ACMSD: variants seen among roughly 807,000 people sequenced by gnomAD.
ACMSD encodes aminocarboxymuconate semialdehyde decarboxylase.
Under a neutral mutation model 45.9 loss-of-function variants are expected in ACMSD, and 37 were observed. The observed-to-expected ratio is 0.81, with a 90% CI of 0.62 to 1.06. The LOEUF (loss-of-function observed/expected upper bound fraction) is 1.06. ACMSD is among the 50% of genes least tolerant of loss of function. The pLI is 0.00. For missense variants in ACMSD, 434 were observed against 420.9 expected, an observed-to-expected ratio of 1.03 and a Z score of -0.27; for synonymous variants, 138 against 148.8, an observed-to-expected ratio of 0.93 and a Z score of 0.53.
At chr2:134,888,602 A>G (rs1689594497) in intron 8 of ACMSD, among the ~76,000 whole-genome samples, 1 of 152,220 alleles carries the variant, frequency 6.6e-6, no homozygotes, top group South Asian at 2.1e-4. Flanking sequence ...ATGGATAAAC[A>G]AATTACCATA....
intron 6 of ACMSD, among the ~76,000 whole-genome samples, chr2:134,868,238 T>G (rs1258818952): frequency 6.6e-6 from 1 of 152,182 alleles, no homozygotes; most frequent in Non-Finnish European, 1.5e-5. Context: ...TATCTGCTCC[T>G]CTCTTCTGCC....
At chr2:134,868,838 T>G (rs1688269808) in intron 6 of ACMSD, 1 of 152,132 alleles carries the variant, frequency 6.6e-6, no homozygotes, top group Non-Finnish European at 1.5e-5. Context: ...GAAATGGCAA[T>G]CACCATGAAG....
At chr2:134,875,286 C>T (rs1326532246) in intron 8 of ACMSD, among the ~76,000 whole-genome samples, 1 of 152,124 alleles carries the variant, frequency 6.6e-6, no homozygotes, top group Non-Finnish European at 1.5e-5. Flanking sequence ...GTCACCATAA[C>T]TGACCCAAAA....
At chr2:134,854,315 T>C (rs777039815) in intron 2 of ACMSD, among the ~76,000 whole-genome samples, 5 of 152,216 alleles carry the variant, frequency 3.3e-5, no homozygotes, top group African/African-American at 4.8e-5. Context: ...GAATTCACTC[T>C]AGTTAGTTTA....
chr2:134,893,439 C>T (rs1318755058), intron 8 of ACMSD, among the ~76,000 whole-genome samples: 2 of 152,094 alleles, frequency 1.3e-5, no homozygotes, highest in African/African-American at 2.4e-5. Flanking sequence ...CCTCCTGCCT[C>T]GCCCTCCTAA....
chr2:134,852,789 T>A (rs1573628410), intron 2 of ACMSD, among the ~76,000 whole-genome samples: 1 of 151,910 alleles, frequency 6.6e-6, no homozygotes, highest in Non-Finnish European at 1.5e-5. Context: ...TGGCAGCTGG[T>A]GTGGTCTGGA....
rs749014739 is a variant in ACMSD, at chr2:134,898,369, C to G, written c.878C>G (p.Pro293Arg). 1 of 1,597,938 alleles carries G rather than the reference C, an allele frequency of 6.3e-7. No homozygotes were observed. The highest frequency in any genetic ancestry group is 1.1e-5 in the South Asian group (1 of 88,202). ...KDKVILGTDY[P>R]FPLGELEPGK... ...AAAGTCATTTTGGGAACCGATTACC[C>G]CTTTCCACTAGGTGAGCTGGAACCT... The change falls in exon 9 of 10, where the codon CCC becomes CGC. Residue 293 changes from proline (P) to arginine (R), a missense_variant. Pro to Arg is a moderately radical substitution (Grantham distance 103). Coordinates refer to ENST00000356140, the MANE Select transcript of ACMSD (RefSeq NM_138326.3).
intron 8 of ACMSD, among the ~76,000 whole-genome samples, chr2:134,895,559 T>C (rs963008673): frequency 6.6e-6 from 1 of 151,166 alleles, no homozygotes; most frequent in African/African-American, 2.4e-5. Flanking sequence ...GATCCAAAAA[T>C]TCATATGAAA....
rs187026338 is a variant in ACMSD at position 134,887,299 on chromosome 2, A to G, written c.850-11042A>G. Among the ~76,000 whole-genome samples, 346 of 152,356 alleles carry G rather than the reference A, an allele frequency of 2.3e-3. 2 individuals carry two copies. The highest frequency in any genetic ancestry group is 8.0e-3 in the African/African-American group (331 of 41,586). On this transcript the variant is annotated intron_variant, in intron 8 of 9. Transcript: ENST00000356140. ...TAAAAACTTGCATTAACTGACCTCA[A>G]GGGTTACTACAGAACAACAGCAATC...
rs1163614472 is a variant in ACMSD, at chr2:134,871,042, G to T, written c.658G>T (p.Val220Leu). The change falls in exon 7 of 10, where the codon GTG becomes TTG. Residue 220 changes from valine to leucine, a missense_variant. Transcript: ENST00000356140. ...ATTTGAGAAGTTTCCCAAACTGAAA[G>T]TGTGTTTCGCACATGGTGGTAAGAC... ...GVFEKFPKLK[V>L]CFAHGGGAFP... is the part of the protein sequence containing the mutation. 1 of 1,614,094 alleles carries T rather than the reference G, an allele frequency of 6.2e-7. No individual in the cohort carries two copies. Among genetic ancestry groups the T allele is most frequent in the Non-Finnish European group, 8.5e-7 (1 of 1,179,996 alleles).
chr2:134,861,841 GAGGGACGC>G (rs1399301174), intron 3 of ACMSD, 120 bp from the exon 4 acceptor site: 2 of 950,996 alleles, frequency 2.1e-6, no homozygotes, highest in African/African-American at 3.2e-5. Context: ...AGAGGACTGA[GAGGGACGC>G]AGGGAGGGAG....
Position 134,901,929 on chromosome 2 carries a change from G to T in ACMSD, c.*69G>T. ...TTTGTTTCTAAATATGTATCAACAG[G>T]TATCAACAAAATCCTATTTTGAACT... On this transcript the variant is annotated 3_prime_UTR_variant, in exon 10 of 10. Coordinates refer to ENST00000356140, the MANE Select transcript of ACMSD (RefSeq NM_138326.3). The T allele has an allele frequency of 8.6e-7, 1 of 1,168,578 alleles. No individual in the cohort carries two copies. The highest frequency in any genetic ancestry group is 1.6e-5 in the South Asian group (1 of 64,372). The allele number at this position is 1,168,578 out of a possible 1,614,324, so 72.4% of individuals were successfully genotyped here.
chr2:134,872,985 C>A (rs563820999), intron 8 of ACMSD: 112 of 219,908 alleles, frequency 5.1e-4, no homozygotes, highest in African/African-American at 2.0e-3. Context: ...GAAAGGGGCA[C>A]AAGTTTCAAA....
chr2:134,886,119 G>C (rs1367619080), intron 8 of ACMSD, among the ~76,000 whole-genome samples: 2 of 151,868 alleles, frequency 1.3e-5, no homozygotes, highest in Non-Finnish European at 2.9e-5. Context: ...GGAATTCCAG[G>C]AATAGGATGG....
At chr2:134,845,673 T>C (rs1559038293) in intron 2 of ACMSD, among the ~76,000 whole-genome samples, 1 of 151,362 alleles carries the variant, frequency 6.6e-6, no homozygotes, top group Non-Finnish European at 1.5e-5. Context: ...AATGGGACAG[T>C]TAGGTTTGAG....
At chr2:134,845,128 G>A (rs755084695) in intron 1 of ACMSD, 105 bp from the exon 2 acceptor site, 38 of 1,107,312 alleles carry the variant, frequency 3.4e-5, no homozygotes, top group Admixed American at 2.6e-4. Flanking sequence ...AAATGGGAAG[G>A]CAATGCTTGA....
chr2:134,889,703 G>A (rs1013855627), intron 8 of ACMSD, among the ~76,000 whole-genome samples: 19 of 152,044 alleles, frequency 1.2e-4, no homozygotes. Context: ...TTTATATATA[G>A]GATTTGAGCA....
rs376440274 is a variant in ACMSD at position 134,883,744 on chromosome 2, C to T, written c.849+11103C>T. 1.2e-4 allele frequency among the ~76,000 whole-genome samples: 19 copies of T among 152,244 alleles called. No homozygotes were observed. In the East Asian group the frequency reaches 3.5e-3, roughly 28 times the overall value. On this transcript the variant is annotated intron_variant, in intron 8 of 9. Transcript: ENST00000356140. ...TGCTTCTGGCTGAAAGTGATCCCCC[C>T]CACCTCAGCCTCCCAGAGTGCTACA...
In ACMSD at chr2:134,863,557, T is replaced by G; in HGVS notation, c.412T>G (p.Phe138Val). 6.2e-7 allele frequency: 1 copy of G among 1,614,176 alleles called. No homozygotes were observed. Among genetic ancestry groups the G allele is most frequent in the South Asian group, 1.1e-5 (1 of 91,078 alleles). ...GGAGCGCTGTGTGAAAGAGCTGGGC[T>G]TTCCCGGGGTCCAAATTGGCACCCA... Reference protein sequence around the residue: ...EMERCVKELGFPGVQIGTHVN... With the variant: ...EMERCVKELGVPGVQIGTHVN... The change falls in exon 5 of 10, where the codon TTT (phenylalanine) becomes GTT (valine). Residue 138 changes from phenylalanine to valine, a missense_variant. Transcript: ENST00000356140.
Sources: gnomAD v4.1 joint callset for allele counts (sites outside exome capture counted in the v4.1 genomes callset) on GRCh38, gnomAD v4.1.1 for gene constraint, MANE v1.5 for transcripts, NCBI Gene and HGNC (gene_info 2026-07-23, HGNC 2026-07-21) for gene names.